CWC27: variants seen among roughly 807,000 people sequenced by gnomAD.
CWC27 encodes spliceosome-associated protein CWC27 homolog.
In CWC27, 47 loss-of-function variants were observed where a neutral mutation model predicts 63.6. The ratio of observed to expected loss-of-function variants is 0.74; its 90% confidence interval spans 0.58 to 0.94. CWC27 has a LOEUF of 0.94. Ranked by LOEUF, CWC27 falls within the 40% of genes least tolerant of loss-of-function variation. CWC27 has a pLI of 0.00. For missense variants in CWC27, 495 were observed against 554.3 expected (o/e 0.89, Z 1.07); for synonymous variants, 175 against 179.8 (o/e 0.97, Z 0.22).
chr5:64,786,259 G>A (rs1743881777), intron 5 of CWC27, among the ~76,000 whole-genome samples: 1 of 150,924 alleles, frequency 6.6e-6, no homozygotes, highest in Non-Finnish European at 1.5e-5. Flanking sequence ...TGTTTACTGT[G>A]TATCATTTAC....
intron 11 of CWC27, among the ~76,000 whole-genome samples, chr5:64,912,466 T>C (rs1333586858): frequency 2.0e-5 from 3 of 152,118 alleles, no homozygotes; most frequent in Non-Finnish European, 4.4e-5. Flanking sequence ...AGTAGACCTT[T>C]TAAGAAATTT....
Position 64,804,333 on chromosome 5 carries a change from G to A in CWC27, c.885G>A (p.Ala295=), listed in dbSNP as rs778866747. 19 of 1,612,900 alleles carry A rather than the reference G, an allele frequency of 1.2e-5. No individual in the cohort carries two copies. The highest frequency in any genetic ancestry group is 1.7e-4 in the Middle Eastern group (1 of 5,922). The change falls in exon 10 of 14, where the codon GCG becomes GCA. Residue 295 remains alanine, a synonymous_variant. Transcript: ENST00000381070. ...AAAAATTAAAAAAGGACACAAGTGC[G>A]AATGTTAAATCAGCTGGAGAAGGAG... ...IAKKLKKDTS[A]NVKSAGEGEV... is the part of the protein sequence containing the mutation.
intron 10 of CWC27, chr5:64,807,520 T>C (rs1744725083): frequency 2.1e-6 from 3 of 1,442,122 alleles, no homozygotes; most frequent in South Asian, 1.5e-5. Flanking sequence ...GGCACCCTTA[T>C]ATCTATTCTG....
intron 10 of CWC27, among the ~76,000 whole-genome samples, chr5:64,821,316 C>T (rs1387776550): frequency 2.6e-5 from 4 of 151,992 alleles, no homozygotes; most frequent in South Asian, 2.1e-4. Flanking sequence ...ATGTCTTGAC[C>T]GCATGAGCCA....
At chr5:64,913,275 A>T (rs1429820643) in intron 11 of CWC27, among the ~76,000 whole-genome samples, 1 of 152,104 alleles carries the variant, frequency 6.6e-6, no homozygotes, top group Non-Finnish European at 1.5e-5. Flanking sequence ...ACCTACAGCA[A>T]GTATTATACT....
At position 64,889,654 on chromosome 5, in the gene CWC27, G is replaced by A. The variant is rs116507658; in HGVS notation, c.1042+4108G>A. On this transcript the variant is annotated intron_variant, in intron 11 of 13. Transcript: ENST00000381070. ...ATAAAAGCAAATTGAGGCCGGGCGC[G>A]GTGGCTCACGCCTGTAATCCCAGCA... 2.2e-3 allele frequency among the ~76,000 whole-genome samples: 328 copies of A among 152,246 alleles called. 1 individual carries two copies. Among genetic ancestry groups the A allele is most frequent in the Admixed American group, 3.3e-3 (50 of 15,292 alleles).
chr5:64,799,359 G>A (rs537982726), intron 7 of CWC27, among the ~76,000 whole-genome samples: 224 of 152,008 alleles, frequency 1.5e-3, no homozygotes, highest in Middle Eastern at 0.014. Flanking sequence ...AGGCTGAGGC[G>A]GGCAGATCAT....
chr5:64,922,410 C>G (rs1489128081), intron 11 of CWC27, among the ~76,000 whole-genome samples: 1 of 152,152 alleles, frequency 6.6e-6, no homozygotes, highest in Non-Finnish European at 1.5e-5. Context: ...CTTTCCTCAG[C>G]TTGGTCTATT....
intron 12 of CWC27, among the ~76,000 whole-genome samples, chr5:64,975,644 A>G (rs888609911): frequency 6.6e-6 from 1 of 152,152 alleles, no homozygotes; most frequent in Non-Finnish European, 1.5e-5. Context: ...GAGCCAAACA[A>G]GAATTCACAG....
Position 64,835,444 on chromosome 5 carries a change from T to C in CWC27, c.938+31058T>C, listed in dbSNP as rs532583670. Among the ~76,000 whole-genome samples, 11 of 151,932 alleles carry C rather than the reference T, an allele frequency of 7.2e-5. No homozygotes were observed. The South Asian group carries it at 2.3e-3, about 32-fold the overall frequency. On this transcript the variant is annotated intron_variant, in intron 10 of 13. Coordinates refer to ENST00000381070, the MANE Select transcript of CWC27 (RefSeq NM_005869.4). ...TGCAAACCCTGTAGATTGCTGAATG[T>C]TTGGCAAAGATAATTATATATTTTG...
At chr5:64,898,644 T>C (rs186478363) in intron 11 of CWC27, among the ~76,000 whole-genome samples, 59 of 152,074 alleles carry the variant, frequency 3.9e-4, no homozygotes, top group African/African-American at 1.4e-3. Context: ...CAAAAGAAGT[T>C]GCTGTTAAAA....
chr5:64,788,357 T>C (rs1171257189), intron 6 of CWC27, among the ~76,000 whole-genome samples: 2 of 152,054 alleles, frequency 1.3e-5, no homozygotes, highest in Non-Finnish European at 1.5e-5. Flanking sequence ...ATCTTTAATT[T>C]TTCTATTTGA....
chr5:64,851,126 G>A (rs1462239608), intron 10 of CWC27, among the ~76,000 whole-genome samples: 4 of 152,144 alleles, frequency 2.6e-5, no homozygotes, highest in East Asian at 1.9e-4. Context: ...ATTCACAGTC[G>A]CCAAGTTACG....
intron 9 of CWC27, 115 bp from the exon 10 acceptor site, chr5:64,804,114 T>TC (rs1554069258): frequency 1.3e-6 from 1 of 790,642 alleles, no homozygotes; most frequent in Admixed American, 3.3e-5. Flanking sequence ...GAAAACAAAA[T>TC]AAAAAAAAAA....
intron 3 of CWC27, among the ~76,000 whole-genome samples, chr5:64,783,041 C>T (rs1743754444): frequency 6.6e-6 from 1 of 152,140 alleles, no homozygotes; most frequent in Non-Finnish European, 1.5e-5. Flanking sequence ...TATCTTGTTA[C>T]ATTTTTCAAT....
In CWC27 at chr5:64,797,263, A is replaced by G. The variant is rs114901471; in HGVS notation, c.670-2985A>G. On this transcript the variant is annotated intron_variant, in intron 7 of 13. Transcript: ENST00000381070. Reference sequence around the variant, plus strand: ...TTGTTCTTCCTTTAAATTCACTGTTACTTGACGGTATAAATAAGAACCTTA... The same window carrying G: ...TTGTTCTTCCTTTAAATTCACTGTTGCTTGACGGTATAAATAAGAACCTTA... 4.0e-3 allele frequency among the ~76,000 whole-genome samples: 604 copies of G among 152,252 alleles called. 5 individuals are homozygous for G. The highest frequency in any genetic ancestry group is 0.027 in the Middle Eastern group (8 of 294).
chr5:64,801,938 A>G (rs756170527), intron 9 of CWC27, among the ~76,000 whole-genome samples: 1 of 152,216 alleles, frequency 6.6e-6, no homozygotes, highest in Non-Finnish European at 1.5e-5. Context: ...ATAACTTTCC[A>G]TGCATGAACA....
intron 10 of CWC27, among the ~76,000 whole-genome samples, chr5:64,860,355 A>G (rs1040260483): frequency 6.6e-6 from 1 of 152,128 alleles, no homozygotes; most frequent in Non-Finnish European, 1.5e-5. Flanking sequence ...AACACAAAAC[A>G]TCTCTATCTG....
intron 13 of CWC27, among the ~76,000 whole-genome samples, chr5:64,987,783 G>A (rs992057210): frequency 6.6e-6 from 1 of 152,166 alleles, no homozygotes; most frequent in African/African-American, 2.4e-5. Context: ...GTTCTGCATG[G>A]TTTCTTTTGG....
Sources: gnomAD v4.1 joint callset for allele counts (sites outside exome capture counted in the v4.1 genomes callset) on GRCh38, gnomAD v4.1.1 for gene constraint, MANE v1.5 for transcripts, NCBI Gene and HGNC (gene_info 2026-07-23, HGNC 2026-07-21) for gene names.